Variants in SMTNL2 observed in about 807,000 individuals in gnomAD.
SMTNL2 encodes the protein smoothelin like 2, also known as smoothelin-like protein 2.
SMTNL2 carries 43 observed loss-of-function variants against 44.1 expected under a neutral mutation model. The ratio of observed to expected loss-of-function variants is 0.98; its 90% CI spans 0.76 to 1.26. SMTNL2 has a LOEUF of 1.26. Among genes scored for constraint, SMTNL2 ranks in the 50% most tolerant of loss-of-function variants. The probability of loss-of-function intolerance (pLI) is 0.00; values close to 1 mark genes in which losing one functional copy is unlikely to be tolerated. For missense variants in SMTNL2, 646 were observed against 670.2 expected, an observed-to-expected ratio of 0.96 and a Z score of 0.40; for synonymous variants, 317 against 287.6, an observed-to-expected ratio of 1.10 and a Z score of -1.03.
intron 1 of SMTNL2, 121 bp downstream of exon 1, chr17:4,585,125 C>T: frequency 8.6e-7 from 1 of 1,163,050 alleles, no homozygotes; most frequent in Non-Finnish European, 1.1e-6. Flanking sequence ...TCACCGGCCG[C>T]TCGGACTAGG....
In SMTNL2 at chr17:4,607,633, C is replaced by G; in HGVS notation, c.*146C>G. On this transcript the variant is annotated 3_prime_UTR_variant, in exon 8 of 8. Transcript: ENST00000389313. This position sits in a 1 kb window ranked among gnomAD's most constrained non-coding sequence, Gnocchi z 4.7. ...TGTGGCATGTGACGGCACTCCCCTT[C>G]GAGCCCAGCTGTGTTACTGATTAAA... The G allele has an allele frequency of 7.8e-7, 1 of 1,290,252 alleles. No homozygotes were observed. The highest frequency in any genetic ancestry group is 1.5e-5 in the South Asian group (1 of 68,852). 79.9% of individuals were successfully genotyped at this position (1,290,252 alleles called of 1,614,324 possible).
intron 1 of SMTNL2, among the ~76,000 whole-genome samples, chr17:4,585,306 G>T (rs944239914): frequency 1.8e-4 from 27 of 152,230 alleles, no homozygotes; most frequent in Non-Finnish European, 1.5e-5. Context: ...CTTGGGCGCC[G>T]AAGTCCGGCC....
intron 1 of SMTNL2, among the ~76,000 whole-genome samples, chr17:4,590,296 C>G (rs1030049141): frequency 3.3e-5 from 5 of 151,952 alleles, no homozygotes; most frequent in African/African-American, 1.2e-4. Flanking sequence ...TCCCTTCCTT[C>G]CTGGCCTTGG....
intron 4 of SMTNL2, 63 bp downstream of exon 4, chr17:4,593,960 G>A (rs1270028997): frequency 2.8e-5 from 44 of 1,580,788 alleles, no homozygotes; most frequent in Admixed American, 1.0e-4. Context: ...TGCTTTGGAC[G>A]CAGGCCGCCC....
At chr17:4,605,624 G>C (rs59832416) in intron 7 of SMTNL2, among the ~76,000 whole-genome samples, 1 of 151,854 alleles carries the variant, frequency 6.6e-6, no homozygotes, top group Non-Finnish European at 1.5e-5. Flanking sequence ...TATATAGCTC[G>C]GAAGAGATGG....
In SMTNL2 at chr17:4,592,338, C is replaced by T. The variant is rs1279421337; in HGVS notation, c.400-23C>T. ...CAGCTGGCCCTAGCTGATGGGGTCT[C>T]GGTGACATTTGTGTCTCTGTAGAGT... is the stretch of plus-strand genomic sequence containing the variant. On this transcript the variant is annotated intron_variant, in intron 1 of 7. Transcript: ENST00000389313. The surrounding 1 kb of genome is among the most constrained non-coding windows in gnomAD (Gnocchi z 4.5). The T allele has an allele frequency of 8.7e-6, 14 of 1,611,658 alleles. No individual in the cohort carries two copies. The highest frequency in any genetic ancestry group is 1.7e-4 in the Middle Eastern group (1 of 5,902).
Position 4,597,166 on chromosome 17 carries a change from T to C in SMTNL2, c.1108-6T>C. The C allele has an allele frequency of 1.2e-6, 2 of 1,612,632 alleles. No individual in the cohort carries two copies. Among genetic ancestry groups the C allele is most frequent in the Non-Finnish European group, 1.7e-6 (2 of 1,179,388 alleles). ...TCCCGCACTGACCCCACTCACCCTG[T>C]TGCAGCACGTGGACCTGCAGAACTT... On this transcript the variant is annotated splice_region_variant and splice_polypyrimidine_tract_variant and intron_variant, in intron 6 of 7. Transcript: ENST00000389313.
chr17:4,593,744 T>C (rs926044042), intron 3 of SMTNL2, 78 bp from the exon 4 acceptor site: 1 of 1,440,318 alleles, frequency 6.9e-7, no homozygotes, highest in Non-Finnish European at 9.7e-7. Flanking sequence ...GAGGCAGGGC[T>C]GGGTCAGAGG....
chr17:4,599,733 G>A (rs889373397), intron 7 of SMTNL2, among the ~76,000 whole-genome samples: 5 of 152,246 alleles, frequency 3.3e-5, no homozygotes, highest in Non-Finnish European at 4.4e-5. Flanking sequence ...GAACCAGAGC[G>A]ATTCCGGGCT....
intron 7 of SMTNL2, among the ~76,000 whole-genome samples, chr17:4,597,974 C>T (rs770430003): frequency 2.0e-5 from 3 of 152,048 alleles, no homozygotes; most frequent in South Asian, 4.1e-4. Context: ...GCTCCAGCGG[C>T]GGACGGGGGC....
chr17:4,603,831 A>C (rs1910143602), intron 7 of SMTNL2, among the ~76,000 whole-genome samples: 2 of 152,044 alleles, frequency 1.3e-5, no homozygotes, highest in Non-Finnish European at 2.9e-5. Context: ...CTCTGAACTC[A>C]GATTTTCTTT....
chr17:4,584,538 CCGGAGCTG>C lies in SMTNL2; in HGVS notation c.-60_-53del. 4 of 1,211,240 alleles carry C rather than the reference CCGGAGCTG, an allele frequency of 3.3e-6. No homozygotes were observed. The highest frequency in any genetic ancestry group is 3.1e-6 in the Non-Finnish European group (3 of 974,464). 75.0% of individuals were successfully genotyped at this position (1,211,240 alleles called of 1,614,324 possible). ...CCAGCCACGGACGGCCAGTCGCGGC[CCGGAGCTG>C]CGGAGCTCGGATCTTCTCCCCCGTC... On this transcript the variant is annotated 5_prime_UTR_variant, in exon 1 of 8. Coordinates refer to ENST00000389313, the MANE Select transcript of SMTNL2 (RefSeq NM_001114974.2).
chr17:4,605,926 A>AGG (rs961530498), intron 7 of SMTNL2, among the ~76,000 whole-genome samples: 58 of 152,278 alleles, frequency 3.8e-4, no homozygotes, highest in African/African-American at 1.3e-3. Context: ...TGAGATGAGC[A>AGG]GGGCGATGCG....
rs1910002287 is a variant in SMTNL2 at position 4,600,879 on chromosome 17, C to T, written c.1259+3556C>T. On this transcript the variant is annotated intron_variant, in intron 7 of 7. Transcript: ENST00000389313. This position sits in a 1 kb window ranked among gnomAD's most constrained non-coding sequence, Gnocchi z 4.7. ...AGGGCCTTCCAGGCTATTTGTAGTG[C>T]CCATGTGTCTCTGTCTAAAACCAGA... Among the ~76,000 whole-genome samples, 1 of 152,178 alleles carries T rather than the reference C, an allele frequency of 6.6e-6. No homozygotes were observed. The highest frequency in any genetic ancestry group is 6.5e-5 in the Admixed American group (1 of 15,286).
Position 4,592,272 on chromosome 17 carries a change from A to G in SMTNL2, c.400-89A>G. 2.4e-6 allele frequency: 3 copies of G among 1,239,026 alleles called. No homozygotes were observed. The highest frequency in any genetic ancestry group is 3.5e-6 in the Non-Finnish European group (3 of 864,006). The allele number at this position is 1,239,026 out of a possible 1,614,324, so 76.8% of individuals were successfully genotyped here. A position where few individuals can be genotyped will look rare whatever the true frequency, so the allele number is the denominator to read the frequency against. On this transcript the variant is annotated intron_variant, in intron 1 of 7. Coordinates refer to ENST00000389313, the MANE Select transcript of SMTNL2 (RefSeq NM_001114974.2). This position sits in a 1 kb window ranked among gnomAD's most constrained non-coding sequence, Gnocchi z 4.5. ...CTCAACATGATTGGTGTTTTGCCAG[A>G]ACGGGAGGGGATTTGGGGGTGGGCA...
In SMTNL2 at chr17:4,592,038, C is replaced by G. The variant is rs1168234475; in HGVS notation, c.400-323C>G. ...GGCGAGGCACTCCTGACCCCATCAT[C>G]TGGTCCAGCCTGGGGGAAAAGGTGA... is the stretch of plus-strand genomic sequence containing the variant. On this transcript the variant is annotated intron_variant, in intron 1 of 7. Coordinates refer to ENST00000389313, the MANE Select transcript of SMTNL2 (RefSeq NM_001114974.2). This position sits in a 1 kb window ranked among gnomAD's most constrained non-coding sequence, Gnocchi z 4.5. Among the ~76,000 whole-genome samples the G allele has an allele frequency of 2.0e-5, 3 of 152,226 alleles. No individual in the cohort carries two copies. Among genetic ancestry groups the G allele is most frequent in the Non-Finnish European group, 4.4e-5 (3 of 68,044 alleles).
At chr17:4,596,762 C>G in intron 5 of SMTNL2, 98 bp from the exon 6 acceptor site, 1 of 1,116,904 alleles carries the variant, frequency 9.0e-7, no homozygotes, top group Non-Finnish European at 1.2e-6. Context: ...TGGGAGCACC[C>G]TCCTTGGTGG....
In SMTNL2 at chr17:4,595,310, G is replaced by A; in HGVS notation, c.972G>A (p.Gln324=). The A allele has an allele frequency of 1.2e-6, 2 of 1,612,606 alleles. No homozygotes were observed. Among genetic ancestry groups the A allele is most frequent in the African/African-American group, 2.7e-5 (2 of 75,060 alleles). The change falls in exon 5 of 8, where the codon CAG becomes CAA. Residue 324 remains glutamine (Q), a synonymous_variant. Coordinates refer to ENST00000389313, the MANE Select transcript of SMTNL2 (RefSeq NM_001114974.2). This position sits in a 1 kb window ranked among gnomAD's most constrained non-coding sequence, Gnocchi z 5.1. ...ARKALFEKWE[Q]ETAAGKGKGE... ...AAGCATTGTTTGAGAAGTGGGAGCA[G>A]GAAACGGCGGCCGGCAAGTACGGAT...
At chr17:4,590,456 T>C (rs1909526288) in intron 1 of SMTNL2, among the ~76,000 whole-genome samples, 1 of 152,124 alleles carries the variant, frequency 6.6e-6, no homozygotes, top group South Asian at 2.1e-4. Context: ...GCCCAGTGCA[T>C]GCCCCTGACT....
Sources: gnomAD v4.1 joint callset for allele counts (sites outside exome capture counted in the v4.1 genomes callset) on GRCh38, gnomAD v4.1.1 for gene constraint, Gnocchi (gnomAD v3.1) non-coding constraint, MANE v1.5 for transcripts, NCBI Gene and HGNC (gene_info 2026-07-23, HGNC 2026-07-21) for gene names.